Variants in AMN1 observed in about 807,000 individuals in gnomAD.
The protein encoded by AMN1 is antagonist of mitotic exit network 1 homolog.
A neutral mutation model predicts 33.0 loss-of-function variants in AMN1; 20 were observed. That is an observed-to-expected ratio of 0.61 (90% CI 0.43 to 0.88). AMN1 has a LOEUF of 0.88. Among genes scored for constraint, AMN1 ranks in the 40% least tolerant of loss-of-function variants. The pLI is 0.00. For missense variants in AMN1, 246 were observed against 307.4 expected, an observed-to-expected ratio of 0.80 and a Z score of 1.49; for synonymous variants, 114 against 111.9, an observed-to-expected ratio of 1.02 and a Z score of -0.12.
intron 5 of AMN1, among the ~76,000 whole-genome samples, chr12:31,692,593 A>G (rs898051507): frequency 3.9e-5 from 6 of 152,154 alleles, no homozygotes; most frequent in Non-Finnish European, 8.8e-5. Flanking sequence ...TGTTAAAAAA[A>G]TATTCATACC....
intron 1 of AMN1, among the ~76,000 whole-genome samples, chr12:31,725,021 T>G (rs1940008857): frequency 6.6e-6 from 1 of 152,172 alleles, no homozygotes; most frequent in South Asian, 2.1e-4. Flanking sequence ...AATAGAGGAA[T>G]GTTAGGCAAG....
chr12:31,691,673 G>T (rs1460299317), intron 5 of AMN1, among the ~76,000 whole-genome samples: 1 of 151,838 alleles, frequency 6.6e-6, no homozygotes, highest in Non-Finnish European at 1.5e-5. Flanking sequence ...ATAAAACAAG[G>T]CTATATCTTA....
At chr12:31,712,293 G>C (rs1179869126) in intron 1 of AMN1, among the ~76,000 whole-genome samples, 3 of 151,878 alleles carry the variant, frequency 2.0e-5, no homozygotes, top group Non-Finnish European at 4.4e-5. Flanking sequence ...TGTCGCCCAG[G>C]CTAGAGTGCA....
At chr12:31,717,787 G>C (rs1388683789) in intron 1 of AMN1, among the ~76,000 whole-genome samples, 1 of 151,940 alleles carries the variant, frequency 6.6e-6, no homozygotes, top group Non-Finnish European at 1.5e-5. Context: ...ATGTGCCATG[G>C]TGGTTTGCTG....
In AMN1 at chr12:31,685,122, A is replaced by G. The variant is rs2139665753; in HGVS notation, c.703+3885T>C. On this transcript the variant is annotated intron_variant, in intron 6 of 6. Transcript: ENST00000281471. ...TGGCTCACTGTAACCTCTGCCTTCC[A>G]GGTTCAAGCTATTCTCCTGCCTCAG... Among the ~76,000 whole-genome samples, 3 of 149,792 alleles carry G rather than the reference A, an allele frequency of 2.0e-5. No homozygotes were observed. The East Asian group carries it at 6.0e-4, about 30-fold the overall frequency.
chr12:31,679,445 C>T (rs746995893), intron 6 of AMN1, among the ~76,000 whole-genome samples: 22 of 152,134 alleles, frequency 1.4e-4, no homozygotes, highest in Middle Eastern at 3.2e-3. Context: ...GCAGGAGAAT[C>T]GCTTGAACCT....
At chr12:31,677,650 A>G (rs1479910389) in intron 6 of AMN1, among the ~76,000 whole-genome samples, 1 of 152,142 alleles carries the variant, frequency 6.6e-6, no homozygotes, top group Middle Eastern at 3.2e-3. Flanking sequence ...CATGCTGAGT[A>G]CTTTGAACTA....
intron 2 of AMN1, 97 bp from the exon 3 acceptor site, chr12:31,702,104 G>T: frequency 1.8e-6 from 2 of 1,123,214 alleles, no homozygotes; most frequent in Non-Finnish European, 2.5e-6. Context: ...CAGACAAGTG[G>T]CTGATGTAAA....
At chr12:31,685,838 C>T (rs757524577) in intron 6 of AMN1, among the ~76,000 whole-genome samples, 4 of 148,070 alleles carry the variant, frequency 2.7e-5, no homozygotes, top group African/African-American at 4.9e-5. Flanking sequence ...AAGGAATGCT[C>T]AACCGCATTT....
In AMN1 at chr12:31,683,713, G is replaced by A. The variant is rs1343319559; in HGVS notation, c.703+5294C>T. Among the ~76,000 whole-genome samples, 2 of 152,186 alleles carry A rather than the reference G, an allele frequency of 1.3e-5. No homozygotes were observed. The highest frequency in any genetic ancestry group is 1.9e-4 in the East Asian group (1 of 5,206). ...ATGATTGTGAGGCTTCCCCAGCCAC[G>A]TGGAACTGTGAGTCCATTAAACCTC... On this transcript the variant is annotated intron_variant, in intron 6 of 6. Coordinates refer to ENST00000281471, the MANE Select transcript of AMN1 (RefSeq NM_001113402.2). This position sits in a 1 kb window ranked among gnomAD's most constrained non-coding sequence, Gnocchi z 4.1.
intron 5 of AMN1, among the ~76,000 whole-genome samples, chr12:31,695,769 G>A (rs1412788938): frequency 3.3e-5 from 5 of 151,410 alleles, no homozygotes; most frequent in Non-Finnish European, 7.4e-5. Context: ...TTATAGGCGT[G>A]AGCCACCATG....
chr12:31,674,492 A>T (rs1951344753), intron 6 of AMN1, among the ~76,000 whole-genome samples: 1 of 151,912 alleles, frequency 6.6e-6, no homozygotes, highest in Non-Finnish European at 1.5e-5. Flanking sequence ...ACTTTTAAGG[A>T]CCCTTATGAT....
intron 1 of AMN1, among the ~76,000 whole-genome samples, chr12:31,726,896 G>A (rs1940094997): frequency 6.6e-6 from 1 of 152,100 alleles, no homozygotes; most frequent in African/African-American, 2.4e-5. Flanking sequence ...TTGTTAGTCT[G>A]TTTCCTCTTT....
chr12:31,715,123 CTA>C (rs1286490098), intron 1 of AMN1, among the ~76,000 whole-genome samples: 6 of 152,328 alleles, frequency 3.9e-5, no homozygotes, highest in African/African-American at 1.4e-4. Flanking sequence ...AGAAAAATAG[CTA>C]TGTTAGAAAG....
intron 1 of AMN1, among the ~76,000 whole-genome samples, chr12:31,728,309 C>T (rs988614446): frequency 1.3e-5 from 2 of 152,146 alleles, no homozygotes; most frequent in Non-Finnish European, 2.9e-5. Flanking sequence ...ATAATAATAA[C>T]AATAACACTT....
At chr12:31,685,992 C>A (rs963236062) in intron 6 of AMN1, among the ~76,000 whole-genome samples, 1 of 151,924 alleles carries the variant, frequency 6.6e-6, no homozygotes, top group Non-Finnish European at 1.5e-5. Flanking sequence ...TTAAGCTTTC[C>A]TGGTGTCTGA....
chr12:31,721,201 G>A (rs1035710924), intron 1 of AMN1, among the ~76,000 whole-genome samples: 1 of 152,176 alleles, frequency 6.6e-6, no homozygotes, highest in East Asian at 1.9e-4. Context: ...ATGGGTGGCC[G>A]AAATTATCAA....
chr12:31,685,732 C>T (rs902492080), intron 6 of AMN1, among the ~76,000 whole-genome samples: 13 of 137,064 alleles, frequency 9.5e-5, no homozygotes, highest in African/African-American at 3.0e-4. Flanking sequence ...ACCTGGGAGG[C>T]GGAGGTTGCA....
chr12:31,672,612 C>T (rs1341588998), intron 6 of AMN1: 2 of 370,084 alleles, frequency 5.4e-6, no homozygotes, highest in African/African-American at 2.1e-5. Context: ...AAAAAACAGG[C>T]ATTTGTTGTT....
Sources: allele counts gnomAD v4.1 joint callset (sites outside exome capture counted in the v4.1 genomes callset), GRCh38; gene constraint gnomAD v4.1.1; non-coding constraint Gnocchi (gnomAD v3.1); transcripts MANE v1.5; gene names NCBI Gene and HGNC (gene_info 2026-07-23, HGNC 2026-07-21).